The following NIT1 variants were observed in gnomAD, a reference collection of about 807,000 sequenced individuals.
NIT1 encodes nitrilase 1, also known as deaminated glutathione amidase.
NIT1 carries 30 observed loss-of-function variants against 36.8 expected under a neutral mutation model. The observed-to-expected ratio is 0.82, with a 90% confidence interval of 0.61 to 1.11. NIT1 has a LOEUF of 1.11. NIT1 is among the 50% of genes least tolerant of loss of function. The probability of loss-of-function intolerance (pLI) is 0.00; values close to 1 mark genes in which losing one functional copy is unlikely to be tolerated. For synonymous variants in NIT1, 151 were observed against 155.6 expected (o/e 0.97, Z 0.22); for missense variants, 438 against 410.6 (o/e 1.07, Z -0.58).
chr1:161,119,432 A>G (rs1028184351), intron 3 of NIT1, 44 bp downstream of exon 3: 23 of 1,613,264 alleles, frequency 1.4e-5, no homozygotes, highest in East Asian at 1.3e-4. Flanking sequence ...TTTGTTGGAC[A>G]GTGTCCCTGG....
intron 1 of NIT1, 145 bp from the exon 2 acceptor site, chr1:161,118,641 A>G: frequency 6.6e-7 from 1 of 1,524,196 alleles, no homozygotes; most frequent in Non-Finnish European, 8.8e-7. Context: ...TTAGCCTATA[A>G]TTTCTTATAA....
downstream of NIT1, chr1:161,124,750 C>G (rs1294501411): frequency 4.9e-6 from 2 of 410,284 alleles, no homozygotes; most frequent in Non-Finnish European, 7.8e-6. Context: ...TCACTTGAGC[C>G]CAGGCGTTTA....
Position 161,121,187 on chromosome 1 carries a change from A to G in NIT1, c.*422A>G, listed in dbSNP as rs1655451836. The G allele has an allele frequency of 1.3e-5, 13 of 1,039,410 alleles. No individual in the cohort carries two copies. Among genetic ancestry groups the G allele is most frequent in the Non-Finnish European group, 1.5e-5 (13 of 861,312 alleles). The allele number at this position is 1,039,410 out of a possible 1,614,324, so 64.4% of individuals were successfully genotyped here. A position where few individuals can be genotyped will look rare whatever the true frequency, so the allele number is the denominator to read the frequency against. ...TGCCTCCCTACCTAAATAAAAGTGC[A>G]ACACTCAGTGCATGTCCCAGCCCCA... On this transcript the variant is annotated 3_prime_UTR_variant, in exon 7 of 7. Coordinates refer to ENST00000368009, the MANE Select transcript of NIT1 (RefSeq NM_005600.3).
In NIT1 at chr1:161,119,280, C is replaced by T; in HGVS notation, c.245C>T (p.Ala82Val). The T allele has an allele frequency of 3.7e-6, 6 of 1,614,224 alleles. No individual in the cohort carries two copies. The highest frequency in any genetic ancestry group is 5.1e-6 in the Non-Finnish European group (6 of 1,180,036). ...REAARLGACL[A>V]FLPEAFDFIA... is the part of the protein sequence containing the mutation. Reference sequence around the variant, plus strand: ...GCTGCCAGACTGGGTGCCTGCCTGGCTTTCCTGCCTGAGGCATTTGACTTC... The same window carrying T: ...GCTGCCAGACTGGGTGCCTGCCTGGTTTTCCTGCCTGAGGCATTTGACTTC... Residue 82 changes from alanine to valine, a missense_variant, in exon 3 of 7, where the codon GCT becomes GTT. Ala to Val is a moderately conservative substitution (Grantham distance 64, BLOSUM62 0). Coordinates refer to ENST00000368009, the MANE Select transcript of NIT1 (RefSeq NM_005600.3).
At position 161,119,546 on chromosome 1, in the gene NIT1, G is replaced by A. The variant is rs760279706; in HGVS notation, c.391G>A (p.Glu131Lys). ...GLWLSLGGFH[E>K]RGQDWEQTQK... is the part of the protein sequence containing the mutation. ...CTGGCTGTCCTTGGGTGGTTTCCATGAGCGTGGCCAAGACTGGGAGCAGAC... is the reference window on the plus strand; with the variant it reads ...CTGGCTGTCCTTGGGTGGTTTCCATAAGCGTGGCCAAGACTGGGAGCAGAC... Residue 131 changes from glutamate to lysine, a missense_variant, in exon 4 of 7, where the codon GAG becomes AAG. Physicochemically the swap from Glu to Lys is moderately conservative, Grantham distance 56 (BLOSUM62 1). Transcript: ENST00000368009. 6.2e-7 allele frequency: 1 copy of A among 1,614,062 alleles called. No homozygotes were observed. The highest frequency in any genetic ancestry group is 8.5e-7 in the Non-Finnish European group (1 of 1,180,042).
In NIT1 at chr1:161,119,138, A is replaced by G. The variant is rs1655137842; in HGVS notation, c.103A>G (p.Arg35Gly). The change falls in exon 3 of 7, where the codon AGA becomes GGA. Residue 35 changes from arginine (R) to glycine (G), a missense_variant. Transcript: ENST00000368009. ...TCCTGCCTATGCTGTTCACAGGCCCAGAGCCATGGCTATCTCCTCTTCCTC... is the reference window on the plus strand; with the variant it reads ...TCCTGCCTATGCTGTTCACAGGCCCGGAGCCATGGCTATCTCCTCTTCCTC... ...LSVLCAQPRP[R>G]AMAISSSSCE... 6.2e-7 allele frequency: 1 copy of G among 1,613,520 alleles called. No homozygotes were observed. The highest frequency in any genetic ancestry group is 8.5e-7 in the Non-Finnish European group (1 of 1,180,012).
At position 161,118,829 on chromosome 1, in the gene NIT1, C is replaced by G; in HGVS notation, c.46C>G (p.Leu16Val). The part of the protein sequence containing the change: ...TRPPHRFLSL[L>V]CPGLRIPQLS... ...GCCTCCTCACAGATTCCTGTCCCTTCTGTGTCCTGGACTCCGGATACCTCA... is the reference window on the plus strand; with the variant it reads ...GCCTCCTCACAGATTCCTGTCCCTTGTGTGTCCTGGACTCCGGATACCTCA... Residue 16 changes from leucine (L) to valine (V), a missense_variant, in exon 2 of 7, where the codon CTG (leucine) becomes GTG (valine). Physicochemically the swap from Leu to Val is conservative, Grantham distance 32. Transcript: ENST00000368009. 1.2e-6 allele frequency: 2 copies of G among 1,614,186 alleles called. No homozygotes were observed. The highest frequency in any genetic ancestry group is 1.7e-6 in the Non-Finnish European group (2 of 1,180,010).
chr1:161,120,311 T>C, intron 6 of NIT1, 79 bp downstream of exon 6: 3 of 1,552,750 alleles, frequency 1.9e-6, no homozygotes, highest in Non-Finnish European at 2.6e-6. Context: ...GTTAAATTCC[T>C]TCCCCTTTCC....
chr1:161,119,548 G>GC lies in NIT1; in HGVS notation c.394dup (p.Arg132ProfsTer35). 6.2e-7 allele frequency: 1 copy of GC among 1,614,184 alleles called. No homozygotes were observed. The highest frequency in any genetic ancestry group is 8.5e-7 in the Non-Finnish European group (1 of 1,180,046). ...GGCTGTCCTTGGGTGGTTTCCATGA[G>GC]CGTGGCCAAGACTGGGAGCAGACTC... On this transcript the variant is annotated frameshift_variant, in exon 4 of 7. Coordinates refer to ENST00000368009, the MANE Select transcript of NIT1 (RefSeq NM_005600.3). LOFTEE classifies it high-confidence loss of function.
downstream of NIT1, chr1:161,123,773 G>T: frequency 7.1e-7 from 1 of 1,402,124 alleles, no homozygotes; most frequent in Non-Finnish European, 9.9e-7. Context: ...GCAAAGCCCA[G>T]AATGTGATGG....
downstream of NIT1, chr1:161,125,133 A>C (rs1202114717): frequency 6.6e-6 from 1 of 152,254 alleles, no homozygotes; most frequent in East Asian, 1.9e-4. Flanking sequence ...TATCACTGAA[A>C]GGCTGTGTAG....
downstream of NIT1, chr1:161,124,314 A>G (rs759662039): frequency 1.2e-6 from 2 of 1,614,264 alleles, no homozygotes; most frequent in South Asian, 2.2e-5. Context: ...AATGACATCA[A>G]CAAAGAGGAA....
Position 161,119,272 on chromosome 1 carries a change from C to G in NIT1, c.237C>G (p.Ala79=). Residue 79 remains alanine (A), a synonymous_variant, in exon 3 of 7, where the codon GCC becomes GCG. Coordinates refer to ENST00000368009, the MANE Select transcript of NIT1 (RefSeq NM_005600.3). ...TTCGAGAGGCTGCCAGACTGGGTGCCTGCCTGGCTTTCCTGCCTGAGGCAT... is the reference window on the plus strand; with the variant it reads ...TTCGAGAGGCTGCCAGACTGGGTGCGTGCCTGGCTTTCCTGCCTGAGGCAT... ...ELVREAARLG[A]CLAFLPEAFD... 6.2e-7 allele frequency: 1 copy of G among 1,614,184 alleles called. No individual in the cohort carries two copies. The highest frequency in any genetic ancestry group is 1.1e-5 in the South Asian group (1 of 91,092).
chr1:161,122,489 C>T (rs775415475), downstream of NIT1: 6 of 1,614,042 alleles, frequency 3.7e-6, no homozygotes, highest in South Asian at 6.6e-5. This position sits in a 1 kb window ranked among gnomAD's most constrained non-coding sequence, Gnocchi z 4.2. Context: ...CAGTCTCATG[C>T]TGGCAGTATT....
downstream of NIT1, chr1:161,121,725 A>G (rs1159596144): frequency 1.2e-5 from 2 of 160,652 alleles, no homozygotes; most frequent in African/African-American, 4.8e-5. Flanking sequence ...CACTTTCCAC[A>G]TAGCTCCCTT....
At position 161,118,151 on chromosome 1, in the gene NIT1, C is replaced by A; in HGVS notation, c.-26C>A. 6.2e-7 allele frequency: 1 copy of A among 1,614,030 alleles called. No homozygotes were observed. The highest frequency in any genetic ancestry group is 1.1e-5 in the South Asian group (1 of 91,088). ...TCCAGACCGCCCTCCGGATCGGACC[C>A]TGCGAATGGTTTTGGCTATATCTTC... is the stretch of plus-strand genomic sequence containing the variant. On this transcript the variant is annotated 5_prime_UTR_variant, in exon 1 of 7. It adds an upstream start codon to the 5' untranslated region. Coordinates refer to ENST00000368009, the MANE Select transcript of NIT1 (RefSeq NM_005600.3).
intron 4 of NIT1, 76 bp downstream of exon 4, chr1:161,119,688 C>A: frequency 6.3e-7 from 1 of 1,587,596 alleles, no homozygotes; most frequent in South Asian, 1.1e-5. Flanking sequence ...TTTCTCAACT[C>A]TTATTTCCTT....
At chr1:161,122,125 C>A (rs745348520), downstream of NIT1, 4 of 1,610,286 alleles carry the variant, frequency 2.5e-6, no homozygotes, top group Non-Finnish European at 3.4e-6. This position sits in a 1 kb window ranked among gnomAD's most constrained non-coding sequence, Gnocchi z 4.2. Context: ...GAACAGTCCC[C>A]AAAGTGAGAA....
Position 161,121,024 on chromosome 1 carries a change from G to A in NIT1, c.*259G>A, listed in dbSNP as rs570752458. The A allele has an allele frequency of 1.5e-5, 20 of 1,363,680 alleles. No individual in the cohort carries two copies. The African/African-American group carries it at 2.3e-4, about 16-fold the overall frequency. The allele number at this position is 1,363,680 out of a possible 1,614,324, so 84.5% of individuals were successfully genotyped here. ...TCATGGAAACTGAAGTTCTGCTGAG[G>A]GCTGAGCAGCACTGGCATTGAAAAA... On this transcript the variant is annotated 3_prime_UTR_variant, in exon 7 of 7. Transcript: ENST00000368009.
Sources: gnomAD v4.1 joint callset for allele counts on GRCh38, gnomAD v4.1.1 for gene constraint, Gnocchi (gnomAD v3.1) non-coding constraint, MANE v1.5 for transcripts, NCBI Gene and HGNC (gene_info 2026-07-23, HGNC 2026-07-21) for gene names.